Variants in SASH1 observed in about 807,000 individuals in gnomAD.
The protein encoded by SASH1 is SAM and SH3 domain-containing protein 1.
SASH1 carries 44 observed loss-of-function variants against 125.2 expected under a neutral mutation model. That is an observed-to-expected ratio of 0.35 (90% CI 0.28 to 0.45). The LOEUF is 0.45. SASH1 is among the 20% of genes least tolerant of loss of function. SASH1 has a pLI of 1.00. For synonymous variants in SASH1, 639 were observed against 649.1 expected, an observed-to-expected ratio of 0.98 and a Z score of 0.24; for missense variants, 1,426 against 1,614.5, an observed-to-expected ratio of 0.88 and a Z score of 2.00.
At chr6:148,195,628 T>C in the SASH1 span, among the ~76,000 whole-genome samples, 1 of 152,216 alleles carries the variant, frequency 6.6e-6, no homozygotes, top group African/African-American at 2.4e-5. Flanking sequence ...GTGTCACCAG[T>C]TCCCCTGGCA....
At chr6:148,394,023 G>T (rs35120946) in intron 2 of SASH1, among the ~76,000 whole-genome samples, 13,725 of 151,234 alleles carry the variant, frequency 0.091, 769 homozygotes, top group Middle Eastern at 0.2. Context: ...CTCCCAAGTA[G>T]CTGGGATTAC....
chr6:148,243,558 G>A, the SASH1 span, among the ~76,000 whole-genome samples: 4 of 146,128 alleles, frequency 2.7e-5, no homozygotes, highest in East Asian at 2.0e-4. Context: ...CAGGAGAATC[G>A]CTTAAACCCA....
At chr6:148,411,527 A>G (rs1277031731) in intron 2 of SASH1, among the ~76,000 whole-genome samples, 1 of 137,034 alleles carries the variant, frequency 7.3e-6, no homozygotes, top group Non-Finnish European at 1.7e-5. Flanking sequence ...AACTTGATGA[A>G]TTTTTATTTT....
At chr6:148,363,030 G>A (rs537010065) in intron 1 of SASH1, among the ~76,000 whole-genome samples, 2 of 152,306 alleles carry the variant, frequency 1.3e-5, no homozygotes, top group South Asian at 4.2e-4. Flanking sequence ...ATTGGTGCAG[G>A]GATTCCTGAA....
chr6:148,544,429 G>C lies in SASH1; in HGVS notation c.2959G>C (p.Val987Leu). The part of the protein sequence containing the change: ...QPKIPSQPPP[V>L]PAKKSRERLA... Reference sequence around the variant, plus strand: ...CAAAATTCCATCACAGCCTCCACCTGTTCCTGCCAAAAAGAGCAGAGAACG... The same window carrying C: ...CAAAATTCCATCACAGCCTCCACCTCTTCCTGCCAAAAAGAGCAGAGAACG... The change falls in exon 18 of 20, where the codon GTT becomes CTT. Residue 987 changes from valine to leucine, a missense_variant. Around this residue, in one of 3 missense-constraint regions of SASH1, gnomAD observed 634 missense variants for 694.4 expected, o/e 0.91. Transcript: ENST00000367467. The surrounding 1 kb of genome is among the most constrained non-coding windows in gnomAD (Gnocchi z 6.4). 1.9e-6 allele frequency: 3 copies of C among 1,614,194 alleles called. No individual in the cohort carries two copies. The highest frequency in any genetic ancestry group is 2.5e-6 in the Non-Finnish European group (3 of 1,180,034).
chr6:148,308,983 C>G (rs1424817518), intron 1 of SASH1, among the ~76,000 whole-genome samples: 2 of 148,634 alleles, frequency 1.3e-5, no homozygotes, highest in African/African-American at 5.0e-5. Context: ...ACTCAGGAGG[C>G]TGAGGCAGGA....
chr6:148,402,769 C>T (rs543982672), intron 2 of SASH1, among the ~76,000 whole-genome samples: 11 of 151,914 alleles, frequency 7.2e-5, no homozygotes, highest in African/African-American at 2.2e-4. Context: ...CCACCACGCC[C>T]GGCTAATTTT....
chr6:148,310,921 G>A (rs1475299716), intron 1 of SASH1, among the ~76,000 whole-genome samples: 2 of 151,918 alleles, frequency 1.3e-5, no homozygotes, highest in East Asian at 3.9e-4. Context: ...AGTCTGACAG[G>A]GTTTTGTTTG....
At chr6:148,526,448 T>C (rs1272588611) in intron 11 of SASH1, among the ~76,000 whole-genome samples, 1 of 152,214 alleles carries the variant, frequency 6.6e-6, no homozygotes, top group African/African-American at 2.4e-5. Context: ...ATATTTGTTA[T>C]GATCATGGGT....
intron 18 of SASH1, among the ~76,000 whole-genome samples, chr6:148,545,145 A>G (rs1438057655): frequency 1.3e-5 from 2 of 152,222 alleles, no homozygotes; most frequent in Admixed American, 1.3e-4. Flanking sequence ...CTGTATGGGT[A>G]ATGGGAAAAA....
rs934861903 is a variant in SASH1, at chr6:148,453,423, T to C, written c.386+13016T>C. Reference sequence around the variant, plus strand: ...TAGTGCGTGCTCCCTGCATGTCTTATTAATTCTCCTACCAAATCTATAATG... The same window carrying C: ...TAGTGCGTGCTCCCTGCATGTCTTACTAATTCTCCTACCAAATCTATAATG... On this transcript the variant is annotated intron_variant, in intron 4 of 19. Transcript: ENST00000367467. Among the ~76,000 whole-genome samples, 3 of 152,168 alleles carry C rather than the reference T, an allele frequency of 2.0e-5. No homozygotes were observed. In the South Asian group the frequency reaches 6.2e-4, roughly 31 times the overall value.
At chr6:148,236,817 T>G in the SASH1 span, among the ~76,000 whole-genome samples, 1 of 152,152 alleles carries the variant, frequency 6.6e-6, no homozygotes, top group Non-Finnish European at 1.5e-5. Flanking sequence ...GTGCTGGAAA[T>G]GCAATCCCTG....
At chr6:148,251,695 T>C in the SASH1 span, among the ~76,000 whole-genome samples, 2 of 151,882 alleles carry the variant, frequency 1.3e-5, no homozygotes, top group Non-Finnish European at 1.5e-5. Context: ...TTTAAATTAT[T>C]ATTATACTTT....
At position 148,551,054 on chromosome 6, in the gene SASH1, A is replaced by G. The variant is rs1245241517; in HGVS notation, c.*2496A>G. 2.0e-5 allele frequency: 3 copies of G among 152,650 alleles called. No homozygotes were observed. The highest frequency in any genetic ancestry group is 2.9e-5 in the Non-Finnish European group (2 of 68,042). 9.5% of individuals were successfully genotyped at this position (152,650 alleles called of 1,614,324 possible). A position where few individuals can be genotyped will look rare whatever the true frequency, so the allele number is the denominator to read the frequency against. ...TAGAAAATCAAATTCAGGGACCACAAAGAATTTTCAGTGGGAATGTCTAGT... is the reference window on the plus strand; with the variant it reads ...TAGAAAATCAAATTCAGGGACCACAGAGAATTTTCAGTGGGAATGTCTAGT... On this transcript the variant is annotated 3_prime_UTR_variant, in exon 20 of 20. Coordinates refer to ENST00000367467, the MANE Select transcript of SASH1 (RefSeq NM_015278.5).
At chr6:148,433,189 C>T (rs1007206275) in intron 2 of SASH1, among the ~76,000 whole-genome samples, 1 of 152,052 alleles carries the variant, frequency 6.6e-6, no homozygotes, top group African/African-American at 2.4e-5. Flanking sequence ...GTTTTTCTCC[C>T]CAGTAAGATT....
At chr6:148,258,929 A>G in the SASH1 span, among the ~76,000 whole-genome samples, 1 of 152,198 alleles carries the variant, frequency 6.6e-6, no homozygotes, top group South Asian at 2.1e-4. Flanking sequence ...GGCATGCACC[A>G]AGTGTCCTGA....
At chr6:148,453,711 G>C (rs1327619574) in intron 4 of SASH1, among the ~76,000 whole-genome samples, 1 of 152,174 alleles carries the variant, frequency 6.6e-6, no homozygotes, top group Non-Finnish European at 1.5e-5. Context: ...GAGTAAGATA[G>C]GTAGGGTAGC....
At chr6:148,421,173 GAAAGAAAGAAA>G in intron 2 of SASH1, among the ~76,000 whole-genome samples, 1 of 139,434 alleles carries the variant, frequency 7.2e-6, no homozygotes, top group East Asian at 2.1e-4. Context: ...AAGAAAGAAA[GAAAGAAAGAAA>G]GAAAGAAAGA....
chr6:148,220,607 C>A, the SASH1 span, among the ~76,000 whole-genome samples: 1 of 152,084 alleles, frequency 6.6e-6, no homozygotes, highest in Non-Finnish European at 1.5e-5. Flanking sequence ...ATGGCCAATA[C>A]CAACAGATAC....
Sources: gnomAD v4.1 joint callset for allele counts (sites outside exome capture counted in the v4.1 genomes callset) on GRCh38, gnomAD v4.1.1 for gene constraint, gnomAD v4.1.1 regional missense constraint, Gnocchi (gnomAD v3.1) non-coding constraint, MANE v1.5 for transcripts, NCBI Gene and HGNC (gene_info 2026-07-23, HGNC 2026-07-21) for gene names.